PKD2L2: variants seen among roughly 807,000 people sequenced by gnomAD.
The protein encoded by PKD2L2 is polycystin-2-like protein 2.
In PKD2L2, 67 loss-of-function variants were observed where a neutral mutation model predicts 83.9. The observed-to-expected ratio is 0.80, with a 90% CI of 0.66 to 0.98. The LOEUF (loss-of-function observed/expected upper bound fraction) is 0.98. PKD2L2 is among the 50% of genes least tolerant of loss of function. The probability of loss-of-function intolerance (pLI) is 0.00; values close to 1 mark genes in which losing one functional copy is unlikely to be tolerated. For synonymous variants in PKD2L2, 223 were observed against 237.8 expected (o/e 0.94, Z 0.57); for missense variants, 632 against 717.2 (o/e 0.88, Z 1.36).
At chr5:137,924,975 G>T in intron 10 of PKD2L2, 65 bp from the exon 11 acceptor site, 1 of 970,696 alleles carries the variant, frequency 1.0e-6, no homozygotes, top group South Asian at 1.4e-5. Context: ...ATTTTACTTT[G>T]ATAAAACATT....
chr5:137,907,810 G>A lies in PKD2L2; in HGVS notation c.1044G>A (p.Leu348=), dbSNP rs1332626852. 6.3e-7 allele frequency: 1 copy of A among 1,586,688 alleles called. No homozygotes were observed. The highest frequency in any genetic ancestry group is 1.1e-5 in the South Asian group (1 of 87,886). Residue 348 remains leucine (L), a synonymous_variant, in exon 7 of 15, where the codon CTG becomes CTA. Coordinates refer to ENST00000508883, the MANE Select transcript of PKD2L2 (RefSeq NM_001300921.2). ...AAATTTTTCTCTTACTTGGACAGCT[G>A]TTGAAAAGTACTGAAAAATATTCAG... ...NVQIFLLLGQ[L]LKSTEKYSDF... is the part of the protein sequence containing the mutation.
At chr5:137,928,806 G>A (rs1467594248) in intron 12 of PKD2L2, among the ~76,000 whole-genome samples, 1 of 152,142 alleles carries the variant, frequency 6.6e-6, no homozygotes, top group African/African-American at 2.4e-5. Flanking sequence ...CTGGCCTTGA[G>A]CGATCCTCCC....
chr5:137,916,182 A>T (rs1412329264), intron 8 of PKD2L2, among the ~76,000 whole-genome samples: 3 of 150,178 alleles, frequency 2.0e-5, no homozygotes, highest in Non-Finnish European at 4.5e-5. Context: ...TTTCTCCCTC[A>T]CTTTTTTTTT....
At chr5:137,899,821 C>T in intron 5 of PKD2L2, 84 bp downstream of exon 5, 1 of 695,758 alleles carries the variant, frequency 1.4e-6, no homozygotes, top group Non-Finnish European at 2.5e-6. Flanking sequence ...CCTTGAACCA[C>T]ATGAGTTTGA....
Position 137,907,755 on chromosome 5 carries a change from C to T in PKD2L2, c.989C>T (p.Ala330Val), listed in dbSNP as rs2150021348. 2.0e-6 allele frequency: 3 copies of T among 1,503,358 alleles called. No homozygotes were observed. The highest frequency in any genetic ancestry group is 2.4e-5 in the East Asian group (1 of 42,326). The allele number at this position is 1,503,358 out of a possible 1,614,324, so 93.1% of individuals were successfully genotyped here. Residue 330 changes from alanine to valine, a missense_variant, in exon 7 of 15, where the codon GCT becomes GTT. Coordinates refer to ENST00000508883, the MANE Select transcript of PKD2L2 (RefSeq NM_001300921.2). ...ELLLLLLCFV[A>V]VSFNTYYNVQ... ...TTTCCCATTTAGTTGTGTTTTGTGG[C>T]TGTTTCCTTCAACACATACTATAAT...
At chr5:137,924,687 A>T (rs2150049323) in intron 10 of PKD2L2, among the ~76,000 whole-genome samples, 1 of 152,284 alleles carries the variant, frequency 6.6e-6, no homozygotes, top group South Asian at 2.1e-4. Context: ...CTATCCCCCA[A>T]TTAGTTTGCT....
At chr5:137,923,034 C>T (rs1338909047) in intron 9 of PKD2L2, among the ~76,000 whole-genome samples, 1 of 145,214 alleles carries the variant, frequency 6.9e-6, no homozygotes, top group Non-Finnish European at 1.5e-5. Context: ...TTTTTTTAGA[C>T]GGAGTCTTGC....
intron 1 of PKD2L2, 21 bp downstream of exon 1, chr5:137,889,543 G>A: frequency 2.6e-6 from 4 of 1,539,522 alleles, no homozygotes; most frequent in Admixed American, 4.7e-5. Context: ...CTCTTAAGGA[G>A]TGGGAGGGAC....
intron 6 of PKD2L2, among the ~76,000 whole-genome samples, chr5:137,907,492 G>A (rs558208451): frequency 4.5e-4 from 69 of 152,174 alleles, no homozygotes; most frequent in African/African-American, 1.3e-3. Flanking sequence ...GCTTTATGAC[G>A]CAAAGAAACA....
At chr5:137,929,204 G>A (rs1759630819) in intron 12 of PKD2L2, among the ~76,000 whole-genome samples, 1 of 152,148 alleles carries the variant, frequency 6.6e-6, no homozygotes, top group African/African-American at 2.4e-5. Context: ...GCTCATGCCT[G>A]TAATTCCAGC....
chr5:137,940,494 A>C, intron 14 of PKD2L2: 1 of 600,986 alleles, frequency 1.7e-6, no homozygotes, highest in Admixed American at 3.4e-5. Flanking sequence ...AGGTTATTGA[A>C]CTAATACCCT....
At chr5:137,921,869 T>G (rs1271440843) in intron 9 of PKD2L2, 113 bp downstream of exon 9, 18 of 827,740 alleles carry the variant, frequency 2.2e-5, no homozygotes, top group Non-Finnish European at 3.2e-5. Flanking sequence ...TTACATTTAT[T>G]GAGAATTGTG....
intron 5 of PKD2L2, among the ~76,000 whole-genome samples, chr5:137,901,226 C>A (rs1358856696): frequency 6.6e-6 from 1 of 151,780 alleles, no homozygotes; most frequent in East Asian, 1.9e-4. Flanking sequence ...GAATTTAATG[C>A]CAGCAAAGAT....
At chr5:137,940,125 A>G in intron 14 of PKD2L2, 1 of 1,614,124 alleles carries the variant, frequency 6.2e-7, no homozygotes, top group Non-Finnish European at 8.5e-7. Context: ...AGATTCTCTG[A>G]GTGCCTGACA....
At chr5:137,894,659 A>T (rs1195757896) in intron 4 of PKD2L2, 50 bp downstream of exon 4, 1 of 1,419,988 alleles carries the variant, frequency 7.0e-7, no homozygotes, top group South Asian at 1.2e-5. Flanking sequence ...TTACTGTTGT[A>T]TCTTTTAGAT....
chr5:137,890,855 G>A (rs979875010), intron 2 of PKD2L2, among the ~76,000 whole-genome samples: 2 of 152,096 alleles, frequency 1.3e-5, no homozygotes, highest in African/African-American at 4.8e-5. Flanking sequence ...CCTTTCATTT[G>A]GCAGTTCTGT....
chr5:137,942,119 C>A, intron 14 of PKD2L2: 1 of 1,292,454 alleles, frequency 7.7e-7, no homozygotes, highest in East Asian at 2.4e-5. Context: ...CTATTTCTGG[C>A]TGCAAATTAA....
chr5:137,922,692 C>G (rs546069994), intron 9 of PKD2L2, among the ~76,000 whole-genome samples: 1 of 152,006 alleles, frequency 6.6e-6, no homozygotes, highest in South Asian at 2.1e-4. Context: ...GAGCTGAGAT[C>G]GCACAACTGC....
chr5:137,889,829 G>A (rs1580874325), intron 1 of PKD2L2: 1 of 364,662 alleles, frequency 2.7e-6, no homozygotes, highest in East Asian at 4.2e-5. Context: ...TCGTGACCTT[G>A]ACAGAATTCA....
Sources: allele counts gnomAD v4.1 joint callset (sites outside exome capture counted in the v4.1 genomes callset), GRCh38; gene constraint gnomAD v4.1.1; transcripts MANE v1.5; gene names NCBI Gene and HGNC (gene_info 2026-07-23, HGNC 2026-07-21).